Variants in TIAM2 observed in about 807,000 individuals in gnomAD.
TIAM2 encodes rho guanine nucleotide exchange factor TIAM2.
TIAM2 carries 80 observed loss-of-function variants against 152.9 expected under a neutral mutation model. The ratio of observed to expected loss-of-function variants is 0.52; its 90% CI spans 0.44 to 0.63. The LOEUF is 0.63. Among genes scored for constraint, TIAM2 ranks in the 30% least tolerant of loss-of-function variants. TIAM2 has a pLI of 0.00. For missense variants in TIAM2, 1,965 were observed against 2,120.1 expected (o/e 0.93, Z 1.44); for synonymous variants, 804 against 838.0 (o/e 0.96, Z 0.70).
chr6:155,239,504 C>A (rs1364815189), intron 15 of TIAM2, among the ~76,000 whole-genome samples: 2 of 152,204 alleles, frequency 1.3e-5, no homozygotes, highest in Non-Finnish European at 2.9e-5. Flanking sequence ...TGTAATCTGA[C>A]CCTGCTCCAG....
chr6:155,192,370 G>A (rs1781227306), intron 14 of TIAM2, among the ~76,000 whole-genome samples: 1 of 152,138 alleles, frequency 6.6e-6, no homozygotes, highest in Non-Finnish European at 1.5e-5. Context: ...GCAGACGTGT[G>A]TACAGACAGC....
At chr6:155,069,221 A>G (rs1479940032) in intron 1 of TIAM2, among the ~76,000 whole-genome samples, 1 of 152,070 alleles carries the variant, frequency 6.6e-6, no homozygotes. Context: ...CAGCCACCCA[A>G]GTAGCTGGGA....
intron 5 of TIAM2, among the ~76,000 whole-genome samples, 195 bp downstream of exon 5, chr6:155,137,807 C>T (rs990527957): frequency 1.3e-5 from 2 of 152,190 alleles, no homozygotes; most frequent in South Asian, 2.1e-4. Context: ...ATGTATTATG[C>T]AGTTCAATAA....
intron 7 of TIAM2, among the ~76,000 whole-genome samples, chr6:155,151,512 C>T (rs1779968886): frequency 6.6e-6 from 1 of 152,198 alleles, no homozygotes; most frequent in Admixed American, 6.5e-5. Context: ...TTTCAACGTA[C>T]ATATTTCGGA....
chr6:155,071,466 C>A (rs1777836394), intron 1 of TIAM2, among the ~76,000 whole-genome samples: 1 of 152,218 alleles, frequency 6.6e-6, no homozygotes, highest in South Asian at 2.1e-4. Context: ...TTACTATGCC[C>A]TGCATCAGGC....
chr6:155,119,381 T>C (rs1421572943), intron 2 of TIAM2, among the ~76,000 whole-genome samples: 1 of 151,374 alleles, frequency 6.6e-6, no homozygotes, highest in Non-Finnish European at 1.5e-5. Flanking sequence ...TCTTCTTCAC[T>C]CAGGCTGGAG....
intron 1 of TIAM2, among the ~76,000 whole-genome samples, chr6:154,996,596 G>A (rs1031682075): frequency 6.6e-6 from 1 of 152,192 alleles, no homozygotes; most frequent in Non-Finnish European, 1.5e-5. Flanking sequence ...AAGCCAGAGT[G>A]TCTCTAAAAT....
chr6:155,031,152 G>A (rs1188500667), intron 1 of TIAM2, among the ~76,000 whole-genome samples: 1 of 152,068 alleles, frequency 6.6e-6, no homozygotes, highest in Non-Finnish European at 1.5e-5. Context: ...AACATGCATG[G>A]TCATAAATAC....
At chr6:155,044,974 T>G (rs1277910060) in intron 1 of TIAM2, among the ~76,000 whole-genome samples, 1 of 152,098 alleles carries the variant, frequency 6.6e-6, no homozygotes, top group Non-Finnish European at 1.5e-5. Flanking sequence ...GATCCATTGG[T>G]GTTTCTTTTC....
intron 7 of TIAM2, among the ~76,000 whole-genome samples, chr6:155,163,005 T>TATTA (rs1562337553): frequency 4.6e-5 from 7 of 152,116 alleles, no homozygotes; most frequent in Non-Finnish European, 1.0e-4. Context: ...TTGGAAAAGG[T>TATTA]CTGGGGAATG....
Position 155,130,052 on chromosome 6 carries a change from C to A in TIAM2, c.829C>A (p.Leu277Ile), listed in dbSNP as rs1260742203. 6.8e-6 allele frequency: 11 copies of A among 1,614,106 alleles called. No homozygotes were observed. Among genetic ancestry groups the A allele is most frequent in the Non-Finnish European group, 9.3e-6 (11 of 1,180,040 alleles). The change falls in exon 4 of 27, where the codon CTC (leucine) becomes ATC (isoleucine). Residue 277 changes from leucine (L) to isoleucine (I), a missense_variant. By Grantham distance (5) the Leu-to-Ile change is conservative. Around this residue, in one of 3 missense-constraint regions of TIAM2, gnomAD observed 1,025 missense variants for 1,119.4 expected, o/e 0.92. Transcript: ENST00000682666. ...GGCCCCCGGCATGCCTGACCCCAGTCTCCATGCCAGCTTCCCACCTGGCGA... is the reference window on the plus strand; with the variant it reads ...GGCCCCCGGCATGCCTGACCCCAGTATCCATGCCAGCTTCCCACCTGGCGA... ...FLAPGMPDPS[L>I]HASFPPGDAK... is the part of the protein sequence containing the mutation.
intron 1 of TIAM2, among the ~76,000 whole-genome samples, chr6:155,047,103 C>T (rs955825722): frequency 2.6e-5 from 4 of 152,154 alleles, no homozygotes; most frequent in African/African-American, 9.7e-5. Flanking sequence ...AGTGTTTGTT[C>T]CCCTCAGCGT....
intron 9 of TIAM2, among the ~76,000 whole-genome samples, chr6:155,166,163 G>C (rs1403918458): frequency 6.6e-6 from 1 of 152,104 alleles, no homozygotes; most frequent in Non-Finnish European, 1.5e-5. Flanking sequence ...ACTTGAAGAG[G>C]TTACGTCACT....
At chr6:155,034,461 G>T (rs1308215820) in intron 1 of TIAM2, among the ~76,000 whole-genome samples, 1 of 152,050 alleles carries the variant, frequency 6.6e-6, no homozygotes, top group Non-Finnish European at 1.5e-5. Flanking sequence ...CACCATGTTG[G>T]CCAGGCTGGT....
chr6:155,111,411 CAAT>C (rs1271513948), intron 2 of TIAM2, among the ~76,000 whole-genome samples: 14 of 151,814 alleles, frequency 9.2e-5, no homozygotes, highest in Non-Finnish European at 2.1e-4. Context: ...AAAACAACAA[CAAT>C]AACAAGCCCC....
intron 1 of TIAM2, among the ~76,000 whole-genome samples, chr6:155,017,499 A>G (rs1445727858): frequency 2.8e-5 from 3 of 107,522 alleles, no homozygotes; most frequent in Non-Finnish European, 5.3e-5. Context: ...CACCTACTCC[A>G]TTTTGTCTTT....
At chr6:155,210,565 G>A (rs1039496985) in intron 14 of TIAM2, among the ~76,000 whole-genome samples, 1 of 151,940 alleles carries the variant, frequency 6.6e-6, no homozygotes, top group African/African-American at 2.4e-5. Flanking sequence ...TCGAACTCCT[G>A]GTCTTAAGTG....
At chr6:155,183,087 C>T (rs770350688) in intron 13 of TIAM2, 150 bp from the exon 14 acceptor site, 2 of 975,108 alleles carry the variant, frequency 2.1e-6, no homozygotes, top group African/African-American at 1.6e-5. Flanking sequence ...GCACCTGCCA[C>T]TGTGCCTGGC....
At chr6:155,189,727 G>GAA (rs566281855) in intron 14 of TIAM2, among the ~76,000 whole-genome samples, 3 of 149,660 alleles carry the variant, frequency 2.0e-5, no homozygotes, top group Non-Finnish European at 3.0e-5. Flanking sequence ...TGGCTCCAAA[G>GAA]AAAAAAAAAA....
Sources: gnomAD v4.1 joint callset for allele counts (sites outside exome capture counted in the v4.1 genomes callset) on GRCh38, gnomAD v4.1.1 for gene constraint, gnomAD v4.1.1 regional missense constraint, MANE v1.5 for transcripts, NCBI Gene and HGNC (gene_info 2026-07-23, HGNC 2026-07-21) for gene names.